COL4A2: variants seen among roughly 807,000 people sequenced by gnomAD.
The protein encoded by COL4A2 is collagen alpha-2(IV) chain.
Under a neutral mutation model 200.2 loss-of-function variants are expected in COL4A2, and 99 were observed. The ratio of observed to expected loss-of-function variants is 0.49; its 90% CI spans 0.42 to 0.58. The LOEUF is 0.58. Among genes scored for constraint, COL4A2 ranks in the 20% least tolerant of loss-of-function variants. COL4A2 has a pLI of 0.00. For missense variants in COL4A2, 1,950 were observed against 2,314.1 expected, an observed-to-expected ratio of 0.84 and a Z score of 3.23; for synonymous variants, 897 against 900.6, an observed-to-expected ratio of 1.00 and a Z score of 0.07.
At chr13:110,345,166 G>A (rs1876641217) in intron 3 of COL4A2, among the ~76,000 whole-genome samples, 1 of 152,114 alleles carries the variant, frequency 6.6e-6, no homozygotes, top group Admixed American at 6.5e-5. Flanking sequence ...AGTTGGTCTT[G>A]ACTACACTGA....
At chr13:110,333,954 G>A (rs913437106) in intron 3 of COL4A2, among the ~76,000 whole-genome samples, 5 of 152,208 alleles carry the variant, frequency 3.3e-5, no homozygotes, top group Non-Finnish European at 5.9e-5. Context: ...CAAAGAAACC[G>A]AGTCTAGAAA....
intron 4 of COL4A2, among the ~76,000 whole-genome samples, chr13:110,410,896 G>A (rs1004658175): frequency 6.6e-6 from 1 of 152,142 alleles, no homozygotes; most frequent in East Asian, 1.9e-4. Flanking sequence ...CTTCTTGACT[G>A]CACGGGGCTC....
At chr13:110,341,655 C>T (rs1876458791) in intron 3 of COL4A2, among the ~76,000 whole-genome samples, 1 of 152,196 alleles carries the variant, frequency 6.6e-6, no homozygotes, top group Non-Finnish European at 1.5e-5. Context: ...TAAGGGGATA[C>T]CGGCTTTAAA....
chr13:110,351,965 G>A (rs534389853), intron 3 of COL4A2, among the ~76,000 whole-genome samples: 2 of 152,284 alleles, frequency 1.3e-5, no homozygotes, highest in South Asian at 2.1e-4. Context: ...CTGAAAAGCG[G>A]CACTAGATTG....
chr13:110,349,799 C>T (rs142274648), intron 3 of COL4A2, among the ~76,000 whole-genome samples: 1,689 of 151,956 alleles, frequency 0.011, 20 homozygotes, highest in East Asian at 0.057. Context: ...AGTCTCACTC[C>T]GTCACCCAGG....
At chr13:110,459,782 TA>T (rs1403559922) in intron 22 of COL4A2, 4 of 152,256 alleles carry the variant, frequency 2.6e-5, no homozygotes, top group Non-Finnish European at 5.9e-5. Context: ...GGACATTATT[TA>T]TTTATCGAAC....
At chr13:110,331,421 G>A (rs1255327386) in intron 3 of COL4A2, among the ~76,000 whole-genome samples, 1 of 152,240 alleles carries the variant, frequency 6.6e-6, no homozygotes, top group Admixed American at 6.5e-5. Context: ...CGTCAACAGT[G>A]ATGAAGTCCT....
At chr13:110,331,794 TG>T (rs1875927840) in intron 3 of COL4A2, among the ~76,000 whole-genome samples, 1 of 152,190 alleles carries the variant, frequency 6.6e-6, no homozygotes, top group Non-Finnish European at 1.5e-5. Flanking sequence ...ACTGGCCATT[TG>T]GTTATTCTCT....
intron 3 of COL4A2, among the ~76,000 whole-genome samples, chr13:110,324,906 G>A: frequency 6.6e-6 from 1 of 152,190 alleles, no homozygotes; most frequent in East Asian, 1.9e-4. Context: ...ATTTTCATCT[G>A]TTGGTTCTTT....
chr13:110,466,206 C>A, intron 26 of COL4A2, 144 bp downstream of exon 26: 3 of 850,364 alleles, frequency 3.5e-6, no homozygotes, highest in Non-Finnish European at 5.4e-6. Flanking sequence ...ACATAGTGGC[C>A]TGGTGAGCAC....
chr13:110,317,968 G>A (rs1006934565), intron 3 of COL4A2, among the ~76,000 whole-genome samples: 2 of 152,182 alleles, frequency 1.3e-5, no homozygotes, highest in African/African-American at 4.8e-5. Flanking sequence ...CTTACGCTGG[G>A]TCTTCTCTCA....
At chr13:110,479,883 ACCCCAGTGACCATGCCCCAG>A (rs1329165744) in intron 30 of COL4A2, among the ~76,000 whole-genome samples, 1 of 152,102 alleles carries the variant, frequency 6.6e-6, no homozygotes, top group Non-Finnish European at 1.5e-5. Flanking sequence ...CTCTTGACTA[ACCCCAGTGACCATGCCCCAG>A]CCAGAGCTGG....
At chr13:110,408,812 T>TACAC (rs68036789) in intron 4 of COL4A2, among the ~76,000 whole-genome samples, 2,040 of 84,040 alleles carry the variant, frequency 0.024, 34 homozygotes, top group Middle Eastern at 0.09. Flanking sequence ...CACATATATA[T>TACAC]ACACACACAC....
intron 4 of COL4A2, among the ~76,000 whole-genome samples, chr13:110,360,092 G>A (rs978812149): frequency 1.3e-5 from 2 of 152,200 alleles, no homozygotes; most frequent in African/African-American, 4.8e-5. Context: ...CGACACTTCT[G>A]TGGCAGTGAT....
chr13:110,335,929 C>T (rs542338916), intron 3 of COL4A2, among the ~76,000 whole-genome samples: 1 of 152,324 alleles, frequency 6.6e-6, no homozygotes, highest in South Asian at 2.1e-4. Flanking sequence ...AGTCTGCTCC[C>T]CTGTAGTGTG....
At position 110,438,080 on chromosome 13, in the gene COL4A2, G is replaced by A. The variant is rs757107104; in HGVS notation, c.861+43G>A. The A allele has an allele frequency of 3.2e-6, 5 of 1,568,150 alleles. No homozygotes were observed. The South Asian group carries it at 3.4e-5, about 11-fold the overall frequency. On this transcript the variant is annotated intron_variant, in intron 14 of 47. Coordinates refer to ENST00000360467, the MANE Select transcript of COL4A2 (RefSeq NM_001846.4). ...CATGCCCCCTCCCCTGTGGCTCCTG[G>A]GCTGTCGGCGCTCTGCCAGGCATGA...
intron 44 of COL4A2, 70 bp downstream of exon 44, chr13:110,504,063 C>T (rs1158117609): frequency 3.8e-6 from 6 of 1,562,640 alleles, no homozygotes; most frequent in Middle Eastern, 1.7e-4. Flanking sequence ...GCTGGCATTG[C>T]GTCCTCTTGT....
intron 3 of COL4A2, among the ~76,000 whole-genome samples, chr13:110,313,442 G>C (rs1357725525): frequency 6.6e-6 from 1 of 151,974 alleles, no homozygotes; most frequent in African/African-American, 2.4e-5. Context: ...CGAGCAGCCG[G>C]CGTCCACCCG....
At chr13:110,355,817 G>A (rs1231782779) in intron 3 of COL4A2, among the ~76,000 whole-genome samples, 2 of 28,408 alleles carry the variant, frequency 7.0e-5, no homozygotes, top group Non-Finnish European at 1.5e-4. Context: ...GAGTGGGGAG[G>A]GCTGCACTAG....
Sources: allele counts gnomAD v4.1 joint callset (sites outside exome capture counted in the v4.1 genomes callset), GRCh38; gene constraint gnomAD v4.1.1; transcripts MANE v1.5; gene names NCBI Gene and HGNC (gene_info 2026-07-23, HGNC 2026-07-21).